The following DCC variants were observed in gnomAD, a reference collection of about 807,000 sequenced individuals.
DCC encodes DCC netrin 1 receptor, also known as netrin receptor DCC.
Under a neutral mutation model 172.5 loss-of-function variants are expected in DCC, and 58 were observed. The observed-to-expected ratio is 0.34, with a 90% CI of 0.27 to 0.42. DCC has a LOEUF of 0.42. Ranked by LOEUF, DCC falls within the 10% of genes least tolerant of loss-of-function variation. The pLI is 1.00. For synonymous variants in DCC, 709 were observed against 644.5 expected, an observed-to-expected ratio of 1.10 and a Z score of -1.52; for missense variants, 1,740 against 1,791.0, an observed-to-expected ratio of 0.97 and a Z score of 0.51.
chr18:52,542,568 G>A (rs373886703), intron 1 of DCC, among the ~76,000 whole-genome samples: 20 of 152,288 alleles, frequency 1.3e-4, no homozygotes, highest in African/African-American at 4.3e-4. Flanking sequence ...GGGTGCAGTG[G>A]CTCACACCTG....
intron 14 of DCC, among the ~76,000 whole-genome samples, chr18:53,330,123 C>A (rs1400894356): frequency 6.6e-6 from 1 of 152,086 alleles, no homozygotes; most frequent in Non-Finnish European, 1.5e-5. Context: ...ACTGGAAAGG[C>A]CCCAGGTGGC....
At chr18:53,306,038 G>A (rs1281046066) in intron 13 of DCC, among the ~76,000 whole-genome samples, 1 of 152,072 alleles carries the variant, frequency 6.6e-6, no homozygotes. Context: ...ACTTTTAAAA[G>A]TCATCTAATG....
chr18:53,435,054 C>A, intron 21 of DCC, 90 bp from the exon 22 acceptor site: 1 of 963,776 alleles, frequency 1.0e-6, no homozygotes, highest in Non-Finnish European at 1.7e-6. Context: ...GTAATCTGTT[C>A]TGTTATTGTG....
intron 1 of DCC, among the ~76,000 whole-genome samples, chr18:52,679,882 C>T (rs2035713409): frequency 6.6e-6 from 1 of 152,028 alleles, no homozygotes; most frequent in Admixed American, 6.6e-5. Flanking sequence ...TGTCTGATGT[C>T]CTGTATTCTA....
chr18:52,765,276 C>T (rs1483709726), intron 2 of DCC, among the ~76,000 whole-genome samples: 1 of 149,760 alleles, frequency 6.7e-6, no homozygotes, highest in African/African-American at 2.5e-5. Flanking sequence ...AACTCCTGAC[C>T]TCAAGTGATC....
intron 1 of DCC, among the ~76,000 whole-genome samples, chr18:52,353,194 C>T (rs1275102509): frequency 1.3e-5 from 2 of 152,188 alleles, no homozygotes; most frequent in Non-Finnish European, 2.9e-5. Context: ...GAGACCATGA[C>T]ACGTTTCATT....
chr18:52,390,680 T>C (rs1186321858), intron 1 of DCC, among the ~76,000 whole-genome samples: 1 of 152,024 alleles, frequency 6.6e-6, no homozygotes, highest in Non-Finnish European at 1.5e-5. Flanking sequence ...TCATGGTCTC[T>C]TAGGATGAAG....
chr18:52,791,351 A>T (rs2037765012), intron 2 of DCC, among the ~76,000 whole-genome samples: 2 of 152,156 alleles, frequency 1.3e-5, no homozygotes, highest in Admixed American at 6.5e-5. Context: ...CATGCTGAAG[A>T]TGATACCCAT....
At chr18:52,373,109 A>G (rs1026965711) in intron 1 of DCC, among the ~76,000 whole-genome samples, 5 of 152,308 alleles carry the variant, frequency 3.3e-5, no homozygotes, top group African/African-American at 1.2e-4. Context: ...AAAAATGTAA[A>G]CACATCCAGA....
intron 12 of DCC, among the ~76,000 whole-genome samples, chr18:53,265,035 G>T (rs1956355848): frequency 6.6e-6 from 1 of 152,160 alleles, no homozygotes; most frequent in South Asian, 2.1e-4. Context: ...GCCCAGAAGT[G>T]AGCTGTGAAA....
At chr18:53,128,888 T>C (rs991770344) in intron 7 of DCC, among the ~76,000 whole-genome samples, 49 of 126,356 alleles carry the variant, frequency 3.9e-4, no homozygotes, top group African/African-American at 8.7e-4. Flanking sequence ...TATATATATA[T>C]ATATATATAT....
intron 19 of DCC, among the ~76,000 whole-genome samples, chr18:53,409,945 G>A (rs544995076): frequency 6.4e-4 from 97 of 152,276 alleles, no homozygotes; most frequent in African/African-American, 2.2e-3. Context: ...TGAAAGGAAA[G>A]CAACACCGCC....
intron 1 of DCC, among the ~76,000 whole-genome samples, chr18:52,562,798 A>G (rs2033068675): frequency 6.6e-6 from 1 of 151,930 alleles, no homozygotes; most frequent in Non-Finnish European, 1.5e-5. Context: ...TTTTATTTTT[A>G]TTTTTTATTT....
intron 3 of DCC, among the ~76,000 whole-genome samples, chr18:52,915,999 C>A (rs1020133031): frequency 6.7e-6 from 1 of 149,534 alleles, no homozygotes; most frequent in Non-Finnish European, 1.5e-5. Flanking sequence ...TAATATATAT[C>A]TTTTGAGTTT....
intron 1 of DCC, among the ~76,000 whole-genome samples, chr18:52,342,626 G>A (rs561099661): frequency 6.6e-6 from 1 of 152,326 alleles, no homozygotes; most frequent in East Asian, 1.9e-4. Flanking sequence ...GGACGGGAAA[G>A]GGGAAGTTCA....
At chr18:52,383,465 ATTAT>A (rs1311582590) in intron 1 of DCC, among the ~76,000 whole-genome samples, 1 of 151,920 alleles carries the variant, frequency 6.6e-6, no homozygotes, top group African/African-American at 2.4e-5. Flanking sequence ...TTTGTATCTT[ATTAT>A]TTATCTCATT....
intron 1 of DCC, among the ~76,000 whole-genome samples, chr18:52,741,064 CT>C (rs1422219781): frequency 1.3e-5 from 2 of 152,140 alleles, no homozygotes; most frequent in Non-Finnish European, 2.9e-5. Context: ...TCTCCTGACC[CT>C]TGTGCTGGGA....
chr18:52,631,008 C>G (rs1402306920), intron 1 of DCC, among the ~76,000 whole-genome samples: 11 of 152,194 alleles, frequency 7.2e-5, no homozygotes, highest in Non-Finnish European at 4.4e-5. Context: ...GGGGAATAGA[C>G]TCTCACAGCA....
chr18:53,089,771 G>A lies in DCC; in HGVS notation c.1261+23605G>A, dbSNP rs561500199. On this transcript the variant is annotated intron_variant, in intron 7 of 28. Coordinates refer to ENST00000442544, the MANE Select transcript of DCC (RefSeq NM_005215.4). ...TCTAAGTGCTTTGAAGTCATGTGATGCATAAAGCAGTGAATTGTTTCATTA... is the reference window on the plus strand; with the variant it reads ...TCTAAGTGCTTTGAAGTCATGTGATACATAAAGCAGTGAATTGTTTCATTA... 2.0e-5 allele frequency among the ~76,000 whole-genome samples: 3 copies of A among 152,240 alleles called. 1 individual carries two copies. The highest frequency in any genetic ancestry group is 2.0e-4 in the Admixed American group (3 of 15,284).
Sources: allele counts gnomAD v4.1 joint callset (sites outside exome capture counted in the v4.1 genomes callset), GRCh38; gene constraint gnomAD v4.1.1; transcripts MANE v1.5; gene names NCBI Gene and HGNC (gene_info 2026-07-23, HGNC 2026-07-21).